ZNF446: variants seen among roughly 807,000 people sequenced by gnomAD.
ZNF446 encodes zinc finger protein 446, also known as zinc finger protein with KRAB and SCAN domains 20.
In ZNF446, 42 loss-of-function variants were observed where a neutral mutation model predicts 34.0. The ratio of observed to expected loss-of-function variants is 1.23; its 90% CI spans 0.96 to 1.60. The LOEUF is 1.60. ZNF446 is among the 40% of genes most tolerant of loss of function. The pLI is 0.00. For missense variants in ZNF446, 650 were observed against 600.2 expected (o/e 1.08, Z -0.87); for synonymous variants, 315 against 251.0 (o/e 1.25, Z -2.41).
At chr19:58,481,628 CG>C (rs1412828202), downstream of ZNF446, among the ~76,000 whole-genome samples, 1 of 152,178 alleles carries the variant, frequency 6.6e-6, no homozygotes, top group African/African-American at 2.4e-5. Context: ...TGGGAAGCAC[CG>C]GATCTCTGGG....
the ZNF446 span, among the ~76,000 whole-genome samples, chr19:58,489,272 G>A: frequency 2.0e-5 from 3 of 152,118 alleles, no homozygotes; most frequent in African/African-American, 7.2e-5. Context: ...TAAGATCAGC[G>A]CTTGGGATAT....
chr19:58,478,238 T>C (rs2053107064), intron 4 of ZNF446, 57 bp downstream of exon 4: 9 of 1,522,230 alleles, frequency 5.9e-6, no homozygotes, highest in Middle Eastern at 1.7e-4. Flanking sequence ...ACTGTCCCCA[T>C]GGCTGCCCTC....
At chr19:58,483,370 T>C (rs1217238601), downstream of ZNF446, among the ~76,000 whole-genome samples, 1 of 152,104 alleles carries the variant, frequency 6.6e-6, no homozygotes, top group Non-Finnish European at 1.5e-5. Flanking sequence ...GCACCTGTAG[T>C]CCCAGTTACT....
At chr19:58,479,861 C>G in intron 5 of ZNF446, 69 bp from the exon 6 acceptor site, 1 of 1,392,882 alleles carries the variant, frequency 7.2e-7, no homozygotes, top group Non-Finnish European at 9.9e-7. Context: ...CACCCTGTCA[C>G]CTACCAGAAC....
rs982038214 is a variant in ZNF446 at position 58,477,360 on chromosome 19, C to T, written c.142C>T (p.Arg48Cys). 7 of 1,613,300 alleles carry T rather than the reference C, an allele frequency of 4.3e-6. No homozygotes were observed. The highest frequency in any genetic ancestry group is 1.7e-5 in the Admixed American group (1 of 59,998). ...TCCCCGAGAAGCCCTGGCCCGGCTG[C>T]GTGAGCTGTGTTGCCAGTGGCTGCA... ...AGPREALARL[R>C]ELCCQWLQPE... The change falls in exon 2 of 7, where the codon CGT becomes TGT. Residue 48 changes from arginine (R) to cysteine (C), a missense_variant. By Grantham distance (180) the Arg-to-Cys change is radical. Coordinates refer to ENST00000594369, the MANE Select transcript of ZNF446 (RefSeq NM_017908.4).
downstream of ZNF446, among the ~76,000 whole-genome samples, chr19:58,482,535 G>C (rs560277108): frequency 1.1e-4 from 17 of 152,294 alleles, no homozygotes; most frequent in South Asian, 3.3e-3. Context: ...GGTATGTGCA[G>C]CATGTGCACA....
chr19:58,485,128 A>G (rs1407887756), downstream of ZNF446, among the ~76,000 whole-genome samples: 1 of 152,198 alleles, frequency 6.6e-6, no homozygotes. Flanking sequence ...AAGAATTGCT[A>G]AGACAATTTG....
intron 1 of ZNF446, among the ~76,000 whole-genome samples, chr19:58,476,930 T>G (rs192047436): frequency 1.3e-5 from 2 of 152,282 alleles, no homozygotes; most frequent in African/African-American, 4.8e-5. Context: ...CCCAACTGTT[T>G]GCAATTTCCA....
chr19:58,477,952 G>T, intron 3 of ZNF446, 126 bp downstream of exon 3: 1 of 1,308,846 alleles, frequency 7.6e-7, no homozygotes, highest in Non-Finnish European at 1.0e-6. Context: ...GGATGTCCCT[G>T]TCTGGGATGG....
At chr19:58,487,189 A>T in the ZNF446 span, among the ~76,000 whole-genome samples, 5 of 152,182 alleles carry the variant, frequency 3.3e-5, no homozygotes, top group African/African-American at 1.2e-4. Flanking sequence ...GGACCTGTGA[A>T]TTTGATGAGT....
chr19:58,485,626 G>A (rs564844237), downstream of ZNF446, among the ~76,000 whole-genome samples: 18 of 152,256 alleles, frequency 1.2e-4, no homozygotes, highest in East Asian at 1.3e-3. Flanking sequence ...AAGACAGGGT[G>A]GATGTTCACT....
In ZNF446 at chr19:58,480,874, T is replaced by G; in HGVS notation, c.*148T>G. On this transcript the variant is annotated 3_prime_UTR_variant, in exon 7 of 7. Transcript: ENST00000594369. This position sits in a 1 kb window ranked among gnomAD's most constrained non-coding sequence, Gnocchi z 7.2. Reference sequence around the variant, plus strand: ...CCAGTTCCCTGCCCCTGGTCTGGTCTCCCCCAAAAGACCTGGGTGCAAGGA... The same window carrying G: ...CCAGTTCCCTGCCCCTGGTCTGGTCGCCCCCAAAAGACCTGGGTGCAAGGA... 1.1e-6 allele frequency: 1 copy of G among 938,516 alleles called. No homozygotes were observed. Among genetic ancestry groups the G allele is most frequent in the Non-Finnish European group, 1.6e-6 (1 of 643,068 alleles). The allele number at this position is 938,516 out of a possible 1,614,324, so 58.1% of individuals were successfully genotyped here.
Position 58,478,113 on chromosome 19 carries a change from C to T in ZNF446, c.559C>T (p.Gln187Ter). ...ACCCTCCAGCCCTCCACTTGCAGCA[C>T]AGTCCCCTGAGGGGAACCATGGACA... is the stretch of plus-strand genomic sequence containing the variant. ...VAPSSPPLAA[Q>*]SPEGNHGHQE... The change falls in exon 4 of 7, where the codon CAG becomes TAG. Residue 187 changes from glutamine (Q) to a stop codon, truncating the protein, a stop_gained. Transcript: ENST00000594369. LOFTEE classifies it high-confidence loss of function. The T allele has an allele frequency of 6.2e-7, 1 of 1,613,968 alleles. No individual in the cohort carries two copies. Among genetic ancestry groups the T allele is most frequent in the Non-Finnish European group, 8.5e-7 (1 of 1,179,880 alleles).
chr19:58,480,668 T>G lies in ZNF446; in HGVS notation c.1295T>G (p.Phe432Cys), dbSNP rs2053132505. Residue 432 changes from phenylalanine to cysteine, a missense_variant, in exon 7 of 7, where the codon TTC (phenylalanine) becomes TGC (cysteine). Coordinates refer to ENST00000594369, the MANE Select transcript of ZNF446 (RefSeq NM_017908.4). The surrounding 1 kb of genome is among the most constrained non-coding windows in gnomAD (Gnocchi z 7.2). ...TTCTGCAGTGACTGTGGCCGCGCCT[T>G]CGACTGGAAGTCGCAGCTGGTCATC... ...RHFCSDCGRAFDWKSQLVIHR... is the reference protein window; with the variant it reads ...RHFCSDCGRACDWKSQLVIHR... 6.2e-7 allele frequency: 1 copy of G among 1,611,028 alleles called. No individual in the cohort carries two copies. The highest frequency in any genetic ancestry group is 8.5e-7 in the Non-Finnish European group (1 of 1,179,664).
chr19:58,486,511 G>C, the ZNF446 span, among the ~76,000 whole-genome samples: 6 of 150,678 alleles, frequency 4.0e-5, no homozygotes, highest in East Asian at 4.0e-4. Context: ...GGGTTCAAGC[G>C]ATTCTCCTGC....
Position 58,477,055 on chromosome 19 carries a change from G to A in ZNF446, c.-40-124G>A, listed in dbSNP as rs2056158056. ...CTCCTCCTTCCATGAAGCTTTCTTG[G>A]CCTTATCTCTTCTGGCCTCAGAGTA... On this transcript the variant is annotated intron_variant, in intron 1 of 6. Coordinates refer to ENST00000594369, the MANE Select transcript of ZNF446 (RefSeq NM_017908.4). 14 of 623,622 alleles carry A rather than the reference G, an allele frequency of 2.2e-5. No individual in the cohort carries two copies. In the East Asian group the frequency reaches 3.5e-4, roughly 15 times the overall value. The allele number at this position is 623,622 out of a possible 1,614,324, so 38.6% of individuals were successfully genotyped here.
In ZNF446 at chr19:58,477,631, C is replaced by A. The variant is rs200809817; in HGVS notation, c.343-6C>A. 1.2e-6 allele frequency: 2 copies of A among 1,613,674 alleles called. No individual in the cohort carries two copies. Among genetic ancestry groups the A allele is most frequent in the South Asian group, 2.2e-5 (2 of 91,076 alleles). ...AGAGCCATTGTGACCTACCTCTTCT[C>A]CTCAGATCACAGCCCATGTCCTGAA... On this transcript the variant is annotated splice_polypyrimidine_tract_variant and splice_region_variant and intron_variant, in intron 2 of 6. Transcript: ENST00000594369.
At chr19:58,476,741 TGTG>T (rs1054119544) in intron 1 of ZNF446, among the ~76,000 whole-genome samples, 29 of 151,852 alleles carry the variant, frequency 1.9e-4, no homozygotes, top group Non-Finnish European at 2.8e-4. Context: ...TCCCCGAGAT[TGTG>T]GAGGGCGACT....
chr19:58,476,525 A>C (rs1042404156), intron 1 of ZNF446, 21 bp downstream of exon 1: 1 of 151,950 alleles, frequency 6.6e-6, no homozygotes, highest in African/African-American at 2.4e-5. Flanking sequence ...TTCACTGCAG[A>C]CCTTCAGGGC....
Sources: allele counts gnomAD v4.1 joint callset (sites outside exome capture counted in the v4.1 genomes callset), GRCh38; gene constraint gnomAD v4.1.1; non-coding constraint Gnocchi (gnomAD v3.1); transcripts MANE v1.5; gene names NCBI Gene and HGNC (gene_info 2026-07-23, HGNC 2026-07-21).